The following PCDHGA3 variants were observed in gnomAD, a reference collection of about 807,000 sequenced individuals.
The protein encoded by PCDHGA3 is protocadherin gamma subfamily A, 3, also known as protocadherin gamma-A3.
Under a neutral mutation model 58.5 loss-of-function variants are expected in PCDHGA3, and 40 were observed. The ratio of observed to expected loss-of-function variants is 0.68; its 90% CI spans 0.53 to 0.89. The LOEUF is 0.89. Among genes scored for constraint, PCDHGA3 ranks in the 40% least tolerant of loss-of-function variants. PCDHGA3 has a pLI of 0.00. For synonymous variants in PCDHGA3, 530 were observed against 525.7 expected (o/e 1.01, Z -0.11); for missense variants, 1,223 against 1,195.9 (o/e 1.02, Z -0.33).
In PCDHGA3 at chr5:141,477,551, C is replaced by T. The variant is rs372055994; in HGVS notation, c.2425-17256C>T. ...CCTCCCCGGGGCTCCAATACTAAAC[C>T]TAAGTGTCTGGGACCCCGACGCCCC... On this transcript the variant is annotated intron_variant, in intron 1 of 3. Coordinates refer to ENST00000253812, the MANE Select transcript of PCDHGA3 (RefSeq NM_018916.4). The surrounding 1 kb of genome is among the most constrained non-coding windows in gnomAD (Gnocchi z 4.9). The T allele has an allele frequency of 8.1e-6, 13 of 1,614,060 alleles. No homozygotes were observed. Among genetic ancestry groups the T allele is most frequent in the Non-Finnish European group, 1.0e-5 (12 of 1,180,042 alleles).
intron 1 of PCDHGA3, chr5:141,387,860 G>T: frequency 6.3e-7 from 1 of 1,593,236 alleles, no homozygotes; most frequent in Non-Finnish European, 8.5e-7. Flanking sequence ...CCAGGCTGGT[G>T]AGCAAGCTGA....
At chr5:141,356,548 C>G in intron 1 of PCDHGA3, 1 of 1,614,130 alleles carries the variant, frequency 6.2e-7, no homozygotes, top group Non-Finnish European at 8.5e-7. Context: ...TGACAACCCA[C>G]CCACTTTCCC....
chr5:141,426,733 G>A (rs62378459), intron 1 of PCDHGA3: 13,670 of 449,336 alleles, frequency 0.03, 288 homozygotes, highest in Middle Eastern at 0.11. Context: ...CCAGGCATTC[G>A]GTTTGGCCTG....
chr5:141,423,758 G>C lies in PCDHGA3; in HGVS notation c.2425-71049G>C, dbSNP rs1192987646. 54 of 366,760 alleles carry C rather than the reference G, an allele frequency of 1.5e-4. 3 individuals carry two copies. The highest frequency in any genetic ancestry group is 1.4e-4 in the Non-Finnish European group (36 of 259,732). 22.7% of individuals were successfully genotyped at this position (366,760 alleles called of 1,614,324 possible). A position where few individuals can be genotyped will look rare whatever the true frequency, so the allele number is the denominator to read the frequency against. Reference sequence around the variant, plus strand: ...CTGTTATGAAAACTGTTTGGGGGGGGGGTGGGGCGGCATATATTTAGTTCA... The same window carrying C: ...CTGTTATGAAAACTGTTTGGGGGGGCGGTGGGGCGGCATATATTTAGTTCA... On this transcript the variant is annotated intron_variant, in intron 1 of 3. Transcript: ENST00000253812.
At chr5:141,474,758 C>T (rs2099354200) in intron 1 of PCDHGA3, among the ~76,000 whole-genome samples, 1 of 152,210 alleles carries the variant, frequency 6.6e-6, no homozygotes, top group Non-Finnish European at 1.5e-5. Flanking sequence ...GACAAATATA[C>T]AGAAATAGTA....
At chr5:141,418,403 G>T in intron 1 of PCDHGA3, 1 of 1,614,000 alleles carries the variant, frequency 6.2e-7, no homozygotes. Context: ...CTCATTGGTG[G>T]AGAAAGACAA....
intron 1 of PCDHGA3, chr5:141,357,013 T>C (rs1242867628): frequency 1.2e-6 from 2 of 1,614,118 alleles, no homozygotes; most frequent in South Asian, 2.2e-5. Flanking sequence ...TGCCTGGCTG[T>C]CCTACAGCCT....
chr5:141,482,529 G>GAAAAAAAA (rs1256461887), intron 1 of PCDHGA3, among the ~76,000 whole-genome samples: 1 of 56,042 alleles, frequency 1.8e-5, no homozygotes, highest in Admixed American at 1.9e-4. Context: ...AGACAGACAT[G>GAAAAAAAA]CAAAAAAAAA....
chr5:141,487,670 T>A lies in PCDHGA3; in HGVS notation c.2425-7137T>A. The A allele has an allele frequency of 6.2e-7, 1 of 1,612,302 alleles. No homozygotes were observed. Among genetic ancestry groups the A allele is most frequent in the Non-Finnish European group, 8.5e-7 (1 of 1,179,082 alleles). ...TGAGGGTTATTCTGATCCAGGCATA[T>A]GGCTAGGCCATGTCCTAGAGAGTAC... On this transcript the variant is annotated intron_variant, in intron 1 of 3. Transcript: ENST00000253812. This position sits in a 1 kb window ranked among gnomAD's most constrained non-coding sequence, Gnocchi z 5.0.
chr5:141,383,276 T>G lies in PCDHGA3; in HGVS notation c.2424+36819T>G, dbSNP rs550293015. The G allele has an allele frequency of 3.8e-5, 61 of 1,613,822 alleles. No homozygotes were observed. The highest frequency in any genetic ancestry group is 5.1e-5 in the Non-Finnish European group (60 of 1,179,878). Reference sequence around the variant, plus strand: ...CCTATAGACGTGGAAATAATAGATATTAATGACAACGTTCCAAGATTCTTG... The same window carrying G: ...CCTATAGACGTGGAAATAATAGATAGTAATGACAACGTTCCAAGATTCTTG... On this transcript the variant is annotated intron_variant, in intron 1 of 3. Transcript: ENST00000253812.
At chr5:141,474,807 A>C (rs945920397) in intron 1 of PCDHGA3, among the ~76,000 whole-genome samples, 8 of 152,364 alleles carry the variant, frequency 5.3e-5, no homozygotes, top group Admixed American at 1.3e-4. Context: ...AGTGGTTTGC[A>C]TCATTAATTG....
intron 1 of PCDHGA3, chr5:141,366,556 C>T (rs1764642074): frequency 3.1e-6 from 5 of 1,614,234 alleles, no homozygotes; most frequent in East Asian, 2.2e-5. Flanking sequence ...ACTTTGTGGG[C>T]GTGGATGGGG....
At chr5:141,418,665 A>T in intron 1 of PCDHGA3, 1 of 1,614,070 alleles carries the variant, frequency 6.2e-7, no homozygotes, top group Non-Finnish European at 8.5e-7. Context: ...GCCACTGACC[A>T]GGACGAGGGC....
intron 1 of PCDHGA3, chr5:141,364,259 C>T: frequency 6.7e-7 from 1 of 1,498,884 alleles, no homozygotes. Context: ...AATATGTACC[C>T]ATCGGCTTTA....
At chr5:141,388,793 T>A (rs1441605740) in intron 1 of PCDHGA3, 2 of 1,613,918 alleles carry the variant, frequency 1.2e-6, no homozygotes, top group Admixed American at 3.3e-5. Flanking sequence ...CTGTTTTAAA[T>A]ACATTAGATT....
intron 1 of PCDHGA3, chr5:141,352,660 G>T: frequency 6.3e-7 from 1 of 1,591,126 alleles, no homozygotes; most frequent in Non-Finnish European, 8.6e-7. Context: ...ACCCTTCTTT[G>T]TCTTCGCACG....
At chr5:141,362,328 C>G (rs1351863626) in intron 1 of PCDHGA3, 1 of 1,613,950 alleles carries the variant, frequency 6.2e-7, no homozygotes. Context: ...AGCCTGGTCT[C>G]AGCTCCAAGC....
At chr5:141,408,211 G>C in intron 1 of PCDHGA3, 1 of 1,554,426 alleles carries the variant, frequency 6.4e-7, no homozygotes, top group Non-Finnish European at 8.7e-7. Context: ...CGATGGGAGG[G>C]AGCTGCGCGC....
chr5:141,366,259 G>A (rs369720611), intron 1 of PCDHGA3: 29 of 1,613,546 alleles, frequency 1.8e-5, no homozygotes, highest in Non-Finnish European at 2.5e-5. Context: ...AGAGCCTCGT[G>A]GTGGCCGTCG....
Sources: allele counts gnomAD v4.1 joint callset (sites outside exome capture counted in the v4.1 genomes callset), GRCh38; gene constraint gnomAD v4.1.1; non-coding constraint Gnocchi (gnomAD v3.1); transcripts MANE v1.5; gene names NCBI Gene and HGNC (gene_info 2026-07-23, HGNC 2026-07-21).